Variants in PKP4 observed in about 807,000 individuals in gnomAD.
The protein encoded by PKP4 is plakophilin-4.
PKP4 carries 90 observed loss-of-function variants against 145.1 expected under a neutral mutation model. The observed-to-expected ratio is 0.62, with a 90% CI of 0.52 to 0.74. PKP4 has a LOEUF of 0.74. Ranked by LOEUF, PKP4 falls within the 30% of genes least tolerant of loss-of-function variation. The probability of loss-of-function intolerance (pLI) is 0.00; values close to 1 mark genes in which losing one functional copy is unlikely to be tolerated. For synonymous variants in PKP4, 563 were observed against 577.2 expected, an observed-to-expected ratio of 0.98 and a Z score of 0.35; for missense variants, 1,340 against 1,482.7, an observed-to-expected ratio of 0.90 and a Z score of 1.58.
intron 1 of PKP4, among the ~76,000 whole-genome samples, chr2:158,496,052 C>A (rs752005653): frequency 2.0e-4 from 31 of 151,938 alleles, no homozygotes; most frequent in Non-Finnish European, 2.8e-4. Context: ...GCAATCTCAG[C>A]TGACTGCAAG....
chr2:158,513,621 C>G (rs143241215), intron 1 of PKP4, among the ~76,000 whole-genome samples: 2 of 152,272 alleles, frequency 1.3e-5, no homozygotes, highest in Non-Finnish European at 2.9e-5. Context: ...CCCCAGTACT[C>G]CTAAGTTGAC....
intron 2 of PKP4, among the ~76,000 whole-genome samples, chr2:158,534,461 A>G (rs926389925): frequency 4.6e-5 from 7 of 152,274 alleles, no homozygotes; most frequent in African/African-American, 1.4e-4. Flanking sequence ...AGTCAGTACA[A>G]TTTTCATCTT....
chr2:158,624,117 CT>C (rs527392979), intron 6 of PKP4, among the ~76,000 whole-genome samples: 62 of 151,960 alleles, frequency 4.1e-4, no homozygotes, highest in Non-Finnish European at 6.3e-4. Flanking sequence ...TTGGGGGTGC[CT>C]TTTTTTTGCA....
At chr2:158,519,660 GTTA>G (rs2042200243) in intron 1 of PKP4, among the ~76,000 whole-genome samples, 1 of 152,146 alleles carries the variant, frequency 6.6e-6, no homozygotes, top group Non-Finnish European at 1.5e-5. Context: ...GTCTATAGCA[GTTA>G]TCTTTCTGAC....
chr2:158,514,530 G>A (rs1243470959), intron 1 of PKP4, among the ~76,000 whole-genome samples: 1 of 152,152 alleles, frequency 6.6e-6, no homozygotes, highest in Non-Finnish European at 1.5e-5. Flanking sequence ...CTATCCTGCT[G>A]AAGACCAGAC....
chr2:158,671,561 G>A (rs559038998), intron 17 of PKP4, among the ~76,000 whole-genome samples: 15 of 152,230 alleles, frequency 9.9e-5, no homozygotes, highest in African/African-American at 1.7e-4. Flanking sequence ...CCAGAGATTC[G>A]GAAAGTCCTG....
At chr2:158,549,099 TA>T in intron 2 of PKP4, 1 of 198,614 alleles carries the variant, frequency 5.0e-6, no homozygotes, top group Non-Finnish European at 1.1e-5. Context: ...CAGGACCAAT[TA>T]CAATGATAGA....
chr2:158,652,834 G>T (rs1040701125), intron 11 of PKP4, among the ~76,000 whole-genome samples: 5 of 152,152 alleles, frequency 3.3e-5, no homozygotes, highest in African/African-American at 1.2e-4. Context: ...TTTGTACTGG[G>T]AATGGAGTGG....
chr2:158,624,834 A>T, intron 6 of PKP4, 44 bp from the exon 7 acceptor site: 1 of 1,477,182 alleles, frequency 6.8e-7, no homozygotes, highest in Non-Finnish European at 9.1e-7. Flanking sequence ...ATGAACACAA[A>T]ACCCTGGATA....
Position 158,680,687 on chromosome 2 carries a change from G to T in PKP4, c.*10G>T, listed in dbSNP as rs1279184528. On this transcript the variant is annotated 3_prime_UTR_variant, in exon 22 of 22. Transcript: ENST00000389759. ...AGACTCATGGGTGTAGCATCAAGAT[G>T]CCCAACAGAGGAACTCTTTCTTTCT... 22 of 1,595,068 alleles carry T rather than the reference G, an allele frequency of 1.4e-5. No homozygotes were observed. Among genetic ancestry groups the T allele is most frequent in the Non-Finnish European group, 1.8e-5 (21 of 1,172,284 alleles).
intron 1 of PKP4, among the ~76,000 whole-genome samples, chr2:158,501,775 A>C (rs761069660): frequency 5.2e-5 from 7 of 134,096 alleles, no homozygotes; most frequent in Non-Finnish European, 8.4e-5. Context: ...ATTTTGATTC[A>C]CTCTTATACT....
chr2:158,658,612 C>T (rs1039570406), intron 12 of PKP4: 7 of 260,408 alleles, frequency 2.7e-5, no homozygotes, highest in East Asian at 1.7e-4. Flanking sequence ...TTCTGGTAAT[C>T]GCATTCTGAT....
chr2:158,526,028 G>T (rs2042897877), intron 1 of PKP4, among the ~76,000 whole-genome samples: 1 of 151,600 alleles, frequency 6.6e-6, no homozygotes, highest in African/African-American at 2.4e-5. Context: ...GGACCAGATG[G>T]ATTCACAGCC....
intron 19 of PKP4, among the ~76,000 whole-genome samples, chr2:158,676,375 G>A (rs2058007813): frequency 6.6e-6 from 1 of 152,220 alleles, no homozygotes; most frequent in Non-Finnish European, 1.5e-5. Flanking sequence ...ACTCTTGCAT[G>A]GCTAGTAAGT....
chr2:158,541,625 A>G (rs781277352), intron 2 of PKP4, among the ~76,000 whole-genome samples: 2 of 152,160 alleles, frequency 1.3e-5, no homozygotes, highest in Non-Finnish European at 2.9e-5. Flanking sequence ...GAAAATAGCT[A>G]TAATAAATTA....
Position 158,468,516 on chromosome 2 carries a change from T to A in PKP4, c.-6+11298T>A, listed in dbSNP as rs1224369307. 3.9e-5 allele frequency among the ~76,000 whole-genome samples: 6 copies of A among 152,270 alleles called. No homozygotes were observed. In the East Asian group the frequency reaches 1.2e-3, roughly 29 times the overall value. ...TCTATAACAATATTATATTTTAAAA[T>A]GTAATCATGAATGTTGGCTCTTTCA... On this transcript the variant is annotated intron_variant, in intron 1 of 21. Coordinates refer to ENST00000389759, the MANE Select transcript of PKP4 (RefSeq NM_003628.6).
chr2:158,638,761 A>C (rs1262371126), intron 9 of PKP4, among the ~76,000 whole-genome samples: 2 of 152,226 alleles, frequency 1.3e-5, no homozygotes, highest in Non-Finnish European at 2.9e-5. Context: ...GTAGATAGTC[A>C]ACAGAACTTG....
chr2:158,678,620 C>T lies in PKP4; in HGVS notation c.3296C>T (p.Ser1099Phe), dbSNP rs150173733. Residue 1099 changes from serine to phenylalanine, a missense_variant, in exon 21 of 22, where the codon TCC becomes TTC. Physicochemically the swap from Ser to Phe is radical, Grantham distance 155. Coordinates refer to ENST00000389759, the MANE Select transcript of PKP4 (RefSeq NM_003628.6). The part of the protein sequence containing the change: ...KPSPIYISSY[S>F]SPAREQNRRL... ...TCACCAATTTACATCAGTTCCTATT[C>T]CTCACCAGCAAGAGAACAAAATAGA... The T allele has an allele frequency of 6.2e-7, 1 of 1,609,996 alleles. No homozygotes were observed. The highest frequency in any genetic ancestry group is 2.2e-5 in the East Asian group (1 of 44,852).
chr2:158,673,627 G>A, intron 17 of PKP4, 50 bp from the exon 18 acceptor site: 1 of 1,347,148 alleles, frequency 7.4e-7, no homozygotes, highest in Non-Finnish European at 1.1e-6. Flanking sequence ...CTCTGAGTGG[G>A]GCTGAGGCTG....
Sources: allele counts gnomAD v4.1 joint callset (sites outside exome capture counted in the v4.1 genomes callset), GRCh38; gene constraint gnomAD v4.1.1; transcripts MANE v1.5; gene names NCBI Gene and HGNC (gene_info 2026-07-23, HGNC 2026-07-21).